EDEM2: variants seen among roughly 807,000 people sequenced by gnomAD.
EDEM2 encodes ER degradation-enhancing alpha-mannosidase-like protein 2.
In EDEM2, 39 loss-of-function variants were observed where a neutral mutation model predicts 64.8. That is an observed-to-expected ratio of 0.60 (90% confidence interval 0.47 to 0.79). EDEM2 has a LOEUF of 0.79. Among genes scored for constraint, EDEM2 ranks in the 30% least tolerant of loss-of-function variants. The pLI, the probability that EDEM2 is intolerant of heterozygous loss-of-function variation, is 0.00. For synonymous variants in EDEM2, 296 were observed against 291.5 expected (o/e 1.02, Z -0.16); for missense variants, 609 against 731.3 (o/e 0.83, Z 1.93).
Position 35,118,807 on chromosome 20 carries a change from C to T in EDEM2, c.1115-88G>A, listed in dbSNP as rs1044094650. The T allele has an allele frequency of 2.6e-5, 40 of 1,554,356 alleles. No homozygotes were observed. The Middle Eastern group carries it at 7.2e-4, about 28-fold the overall frequency. Reference sequence around the variant, plus strand: ...TAGGGCCGTGAGGGACTACTCCCCTCCATATCTTGTCCATAAGGCCCCAAC... The same window carrying T: ...TAGGGCCGTGAGGGACTACTCCCCTTCATATCTTGTCCATAAGGCCCCAAC... On this transcript the variant is annotated intron_variant, in intron 9 of 10. Coordinates refer to ENST00000374492, the MANE Select transcript of EDEM2 (RefSeq NM_018217.3).
At chr20:35,145,040 A>G in intron 2 of EDEM2, 22 bp from the exon 3 acceptor site, 1 of 1,613,706 alleles carries the variant, frequency 6.2e-7, no homozygotes, top group Non-Finnish European at 8.5e-7. Flanking sequence ...CAGAAATCCC[A>G]GCCGCTTAGT....
At chr20:35,132,540 G>C (rs528373037) in intron 6 of EDEM2, among the ~76,000 whole-genome samples, 1 of 152,152 alleles carries the variant, frequency 6.6e-6, no homozygotes, top group East Asian at 1.9e-4. Context: ...TATAATCCCA[G>C]CTACTCAGGA....
chr20:35,134,912 C>G lies in EDEM2; in HGVS notation c.528G>C (p.Val176=). 6.2e-7 allele frequency: 1 copy of G among 1,614,148 alleles called. No homozygotes were observed. The highest frequency in any genetic ancestry group is 8.5e-7 in the Non-Finnish European group (1 of 1,180,044). ...CTGGGTTCACGCCATGAAGTAAGTT[C>G]ACTGTTCCATATGGCATGCCAGTGG... The part of the protein sequence containing the change: ...QTPTGMPYGT[V]NLLHGVNPGE... Residue 176 remains valine (V), a synonymous_variant, in exon 6 of 11, where the codon GTG becomes GTC. Transcript: ENST00000374492.
chr20:35,127,865 A>T (rs573917644), intron 7 of EDEM2, among the ~76,000 whole-genome samples: 2 of 152,224 alleles, frequency 1.3e-5, no homozygotes, highest in Admixed American at 1.3e-4. Flanking sequence ...ATTATAATAG[A>T]GGTGAAAAAT....
chr20:35,123,752 C>A, intron 9 of EDEM2, 138 bp downstream of exon 9: 1 of 1,118,776 alleles, frequency 8.9e-7, no homozygotes. Context: ...GTAAGAAAAC[C>A]ACCCAGAGCC....
intron 5 of EDEM2, among the ~76,000 whole-genome samples, chr20:35,135,990 G>A (rs1190266919): frequency 6.6e-6 from 1 of 152,148 alleles, no homozygotes; most frequent in Non-Finnish European, 1.5e-5. Context: ...ACCAGCCAGA[G>A]GCAGAGATTT....
intron 7 of EDEM2, among the ~76,000 whole-genome samples, chr20:35,128,100 A>C (rs1223776288): frequency 6.6e-6 from 1 of 152,200 alleles, no homozygotes; most frequent in Non-Finnish European, 1.5e-5. Flanking sequence ...ATATAAAAAA[A>C]GTCGGCTGGG....
Position 35,115,759 on chromosome 20 carries a change from AC to A in EDEM2, c.1410del (p.Tyr471ThrfsTer21), listed in dbSNP as rs767540719. On this transcript the variant is annotated frameshift_variant, in exon 11 of 11. Coordinates refer to ENST00000374492, the MANE Select transcript of EDEM2 (RefSeq NM_018217.3). LOFTEE classifies it high-confidence loss of function. ...PYGECILGAG[G>X]YIFNTEAHPI... ...GGGTGAGCTTCTGTGTTGAAGATGTACCCCCCAGCCCCCAGGATGCACTCCC... is the reference window on the plus strand; with the variant it reads ...GGGTGAGCTTCTGTGTTGAAGATGTACCCCCAGCCCCCAGGATGCACTCCC... 4 of 1,613,728 alleles carry A rather than the reference AC, an allele frequency of 2.5e-6. No individual in the cohort carries two copies. Among genetic ancestry groups the A allele is most frequent in the Non-Finnish European group, 1.7e-6 (2 of 1,179,960 alleles).
At chr20:35,136,711 C>T (rs150727146) in intron 5 of EDEM2, among the ~76,000 whole-genome samples, 27 of 146,534 alleles carry the variant, frequency 1.8e-4, no homozygotes, top group Admixed American at 1.5e-3. Context: ...GCCATGATCA[C>T]GCCACTGCAC....
chr20:35,142,246 T>C, intron 4 of EDEM2, 127 bp downstream of exon 4: 2 of 701,312 alleles, frequency 2.9e-6, no homozygotes, highest in Middle Eastern at 3.2e-4. Context: ...AAGAGCTCTG[T>C]CGGTCAGAGG....
intron 7 of EDEM2, among the ~76,000 whole-genome samples, chr20:35,127,223 T>C (rs756497734): frequency 6.6e-6 from 1 of 152,330 alleles, no homozygotes; most frequent in Middle Eastern, 3.4e-3. Flanking sequence ...TGTGAGTCCA[T>C]TAAACCTCTT....
chr20:35,146,989 G>A (rs1488166439), intron 1 of EDEM2, 54 bp from the exon 2 acceptor site: 2 of 1,583,268 alleles, frequency 1.3e-6, no homozygotes, highest in Non-Finnish European at 8.6e-7. Context: ...AACAAGCGGG[G>A]GAAGAACAAG....
rs2085750896 is a variant in EDEM2 at position 35,147,332 on chromosome 20, G to A, written c.-74C>T. On this transcript the variant is annotated 5_prime_UTR_variant, in exon 1 of 11. Transcript: ENST00000374492. ...CCAGTTCATCCTGGGAGCTGCTGCG[G>A]GTTCTTCCGGGAATCCGCGCCACTG... 7.3e-7 allele frequency: 1 copy of A among 1,373,182 alleles called. No individual in the cohort carries two copies. Among genetic ancestry groups the A allele is most frequent in the African/African-American group, 1.5e-5 (1 of 67,278 alleles). The allele number at this position is 1,373,182 out of a possible 1,614,324, so 85.1% of individuals were successfully genotyped here.
intron 2 of EDEM2, among the ~76,000 whole-genome samples, chr20:35,146,053 C>T (rs1296377581): frequency 6.7e-6 from 1 of 149,212 alleles, no homozygotes; most frequent in African/African-American, 2.5e-5. Flanking sequence ...GTAAATTATG[C>T]CTTTAAGAAG....
chr20:35,140,678 G>T (rs1382704236), intron 4 of EDEM2, among the ~76,000 whole-genome samples: 1 of 152,124 alleles, frequency 6.6e-6, no homozygotes, highest in Non-Finnish European at 1.5e-5. Flanking sequence ...TTTAGACTTT[G>T]ATAAGTTATG....
intron 6 of EDEM2, chr20:35,134,107 T>C: frequency 2.2e-6 from 1 of 456,258 alleles, no homozygotes; most frequent in South Asian, 1.5e-5. Context: ...AAACTGACCT[T>C]AGAGATCATC....
chr20:35,121,087 T>G (rs2378333), intron 9 of EDEM2, among the ~76,000 whole-genome samples: 78,761 of 152,202 alleles, frequency 0.52, 22,803 homozygotes, highest in Admixed American at 0.68. Context: ...AATTTTTCCA[T>G]GAACTGGGCT....
At chr20:35,122,822 G>C (rs560470238) in intron 9 of EDEM2, among the ~76,000 whole-genome samples, 1 of 152,290 alleles carries the variant, frequency 6.6e-6, no homozygotes, top group East Asian at 1.9e-4. Flanking sequence ...ACTTGAGTTA[G>C]AAGAGGAAGG....
At chr20:35,122,179 C>T (rs184211075) in intron 9 of EDEM2, among the ~76,000 whole-genome samples, 131 of 152,210 alleles carry the variant, frequency 8.6e-4, no homozygotes, top group African/African-American at 3.0e-3. Context: ...CCTTGTCACT[C>T]GTGGTAACTA....
Sources: allele counts gnomAD v4.1 joint callset (sites outside exome capture counted in the v4.1 genomes callset), GRCh38; gene constraint gnomAD v4.1.1; transcripts MANE v1.5; gene names NCBI Gene and HGNC (gene_info 2026-07-23, HGNC 2026-07-21).